Variants in WDFY3 observed in about 807,000 individuals in gnomAD.
WDFY3 encodes WD repeat and FYVE domain-containing protein 3.
Under a neutral mutation model 409.6 loss-of-function variants are expected in WDFY3, and 66 were observed. The observed-to-expected ratio is 0.16, with a 90% CI of 0.13 to 0.20. WDFY3 has a LOEUF of 0.20. WDFY3 is among the 10% of genes least tolerant of loss of function. WDFY3 has a pLI of 1.00. For missense variants in WDFY3, 3,031 were observed against 4,298.1 expected, an observed-to-expected ratio of 0.71 and a Z score of 8.24; for synonymous variants, 1,521 against 1,537.1, an observed-to-expected ratio of 0.99 and a Z score of 0.25.
intron 44 of WDFY3, among the ~76,000 whole-genome samples, chr4:84,732,825 T>C (rs1736824203): frequency 6.6e-6 from 1 of 152,120 alleles, no homozygotes; most frequent in Admixed American, 6.5e-5. Flanking sequence ...GCATCAGGAC[T>C]GGGGTTAAAC....
At chr4:84,897,952 T>A (rs920624595) in intron 2 of WDFY3, among the ~76,000 whole-genome samples, 1 of 152,182 alleles carries the variant, frequency 6.6e-6, no homozygotes, top group Non-Finnish European at 1.5e-5. Flanking sequence ...ACTGCTTGAC[T>A]GCAAAAATCA....
intron 1 of WDFY3, among the ~76,000 whole-genome samples, chr4:84,952,114 C>A (rs1195975896): frequency 6.6e-6 from 1 of 152,128 alleles, no homozygotes; most frequent in Non-Finnish European, 1.5e-5. Context: ...ACACAAATAC[C>A]TATCAGTGGT....
intron 3 of WDFY3, among the ~76,000 whole-genome samples, chr4:84,882,473 CTAACT>C (rs1468704563): frequency 6.6e-6 from 1 of 152,092 alleles, no homozygotes; most frequent in South Asian, 2.1e-4. Context: ...GCTGACACAC[CTAACT>C]TATCTTTTCC....
At chr4:84,831,783 A>C (rs1040130021) in intron 7 of WDFY3, among the ~76,000 whole-genome samples, 178 bp from the exon 8 acceptor site, 2 of 152,206 alleles carry the variant, frequency 1.3e-5, no homozygotes, top group Non-Finnish European at 2.9e-5. Context: ...TTAAAACCAC[A>C]ATAAAGTATC....
chr4:84,933,891 T>C (rs1771083991), intron 1 of WDFY3, among the ~76,000 whole-genome samples: 1 of 152,192 alleles, frequency 6.6e-6, no homozygotes, highest in African/African-American at 2.4e-5. Context: ...TATTCCAATG[T>C]GTATATACCA....
intron 60 of WDFY3, among the ~76,000 whole-genome samples, chr4:84,691,163 T>C (rs994113159): frequency 1.3e-5 from 2 of 152,168 alleles, no homozygotes; most frequent in African/African-American, 4.8e-5. Context: ...CACTATGGAT[T>C]GTCTCTCCAA....
chr4:84,744,062 A>G (rs1347756968), intron 36 of WDFY3, among the ~76,000 whole-genome samples: 1 of 148,220 alleles, frequency 6.7e-6, no homozygotes, highest in Non-Finnish European at 1.5e-5. Context: ...TCTAAACATT[A>G]TATTTATTAT....
At chr4:84,806,165 G>C (rs867710599) in intron 15 of WDFY3, among the ~76,000 whole-genome samples, 7 of 152,148 alleles carry the variant, frequency 4.6e-5, no homozygotes, top group Admixed American at 1.3e-4. Context: ...GATGTAATTT[G>C]TTGAGAGGTT....
chr4:84,807,495 T>C (rs1399591031), intron 15 of WDFY3, among the ~76,000 whole-genome samples: 1 of 152,162 alleles, frequency 6.6e-6, no homozygotes, highest in East Asian at 1.9e-4. Flanking sequence ...TGAACAACAG[T>C]AATAAGATTA....
intron 2 of WDFY3, among the ~76,000 whole-genome samples, chr4:84,915,773 A>G (rs1455568419): frequency 6.6e-6 from 1 of 152,202 alleles, no homozygotes; most frequent in African/African-American, 2.4e-5. Context: ...TCAGAGTAGT[A>G]GAAGCTTTAA....
chr4:84,902,944 G>T (rs1001624687), intron 2 of WDFY3, among the ~76,000 whole-genome samples: 2 of 152,188 alleles, frequency 1.3e-5, no homozygotes, highest in African/African-American at 4.8e-5. Flanking sequence ...AGCACTTGTA[G>T]TCCTTAAAGT....
At chr4:84,885,190 G>A (rs1036309230) in intron 3 of WDFY3, among the ~76,000 whole-genome samples, 1 of 151,794 alleles carries the variant, frequency 6.6e-6, no homozygotes, top group East Asian at 1.9e-4. Context: ...TTTTTGTAGA[G>A]ATGGGGATTC....
In WDFY3 at chr4:84,789,735, G is replaced by A. The variant is rs1303004166; in HGVS notation, c.3660C>T (p.Asn1220=). 6.2e-7 allele frequency: 1 copy of A among 1,613,514 alleles called. No homozygotes were observed. The highest frequency in any genetic ancestry group is 1.1e-5 in the South Asian group (1 of 91,058). The stretch of plus-strand genomic sequence containing the variant: ...GTGCACATACACTTACCTTTACAGT[G>A]TTAACAAGCTGTCCATCAATATAAA... ...AALYIDGQLV[N]TVKLHYVHST... The change falls in exon 22 of 68, where the codon AAC becomes AAT. Residue 1220 remains asparagine (N), a synonymous_variant. Transcript: ENST00000295888.
chr4:84,950,354 A>G (rs1365652521), intron 1 of WDFY3, among the ~76,000 whole-genome samples: 2 of 152,016 alleles, frequency 1.3e-5, no homozygotes, highest in Non-Finnish European at 2.9e-5. Flanking sequence ...ACCATGGCAC[A>G]TGTATACCTA....
chr4:84,858,529 G>A (rs1760085253), intron 4 of WDFY3, among the ~76,000 whole-genome samples: 1 of 151,926 alleles, frequency 6.6e-6, no homozygotes, highest in South Asian at 2.1e-4. Flanking sequence ...GATTGACAGA[G>A]GTCCAGAAAA....
intron 1 of WDFY3, among the ~76,000 whole-genome samples, chr4:84,963,449 GA>G (rs796700725): frequency 7.0e-5 from 10 of 143,188 alleles, no homozygotes; most frequent in African/African-American, 1.0e-4. Flanking sequence ...AAAAGGTCAA[GA>G]AAAAAAAAAG....
intron 45 of WDFY3, among the ~76,000 whole-genome samples, chr4:84,725,615 A>C (rs887068086): frequency 6.6e-6 from 1 of 152,322 alleles, no homozygotes; most frequent in East Asian, 1.9e-4. Flanking sequence ...ATGAAATCTG[A>C]AACATGCTTT....
chr4:84,914,785 C>G (rs1295728003), intron 2 of WDFY3, among the ~76,000 whole-genome samples: 1 of 152,078 alleles, frequency 6.6e-6, no homozygotes, highest in Non-Finnish European at 1.5e-5. Flanking sequence ...TTTAGTGGTT[C>G]CTCAAAAAGT....
At chr4:84,945,186 T>C (rs746754870) in intron 1 of WDFY3, among the ~76,000 whole-genome samples, 3 of 152,196 alleles carry the variant, frequency 2.0e-5, no homozygotes, top group Non-Finnish European at 4.4e-5. Flanking sequence ...CCTTGCTCAA[T>C]AGGTTCATGA....
Sources: gnomAD v4.1 joint callset for allele counts (sites outside exome capture counted in the v4.1 genomes callset) on GRCh38, gnomAD v4.1.1 for gene constraint, MANE v1.5 for transcripts, NCBI Gene and HGNC (gene_info 2026-07-23, HGNC 2026-07-21) for gene names.